Variants in EDDM13 observed in about 807,000 individuals in gnomAD.
The protein encoded by EDDM13 is epididymal protein 13.
EDDM13 carries 24 observed loss-of-function variants against 17.8 expected under a neutral mutation model. The observed-to-expected ratio is 1.35, with a 90% confidence interval of 0.98 to 1.90. The LOEUF is 1.90. EDDM13 is among the 40% of genes most tolerant of loss of function. EDDM13 has a pLI of 0.00. For synonymous variants in EDDM13, 31 were observed against 37.5 expected, an observed-to-expected ratio of 0.83 and a Z score of 0.63; for missense variants, 97 against 100.8, an observed-to-expected ratio of 0.96 and a Z score of 0.16.
intron 14 of EDDM13, among the ~76,000 whole-genome samples, chr19:56,307,491 G>A (rs1438779394): frequency 1.3e-5 from 2 of 152,130 alleles, no homozygotes; most frequent in African/African-American, 4.8e-5. Context: ...AAGGTTAACT[G>A]TGTGACATTT....
At chr19:56,285,325 A>G (rs1010490483) in intron 6 of EDDM13, among the ~76,000 whole-genome samples, 1 of 152,218 alleles carries the variant, frequency 6.6e-6, no homozygotes, top group African/African-American at 2.4e-5. Context: ...TCTTCACCAC[A>G]TTCCCGGCTC....
At chr19:56,276,695 G>A (rs985022877) in intron 2 of EDDM13, among the ~76,000 whole-genome samples, 1 of 151,736 alleles carries the variant, frequency 6.6e-6, no homozygotes, top group Admixed American at 6.6e-5. Context: ...GCGCCACCAT[G>A]CCCGGCTAAT....
chr19:56,292,780 A>C (rs181480531), intron 9 of EDDM13, among the ~76,000 whole-genome samples: 1 of 152,290 alleles, frequency 6.6e-6, no homozygotes, highest in African/African-American at 2.4e-5. Context: ...TGCAAGTTTG[A>C]GGATTCTAGG....
At chr19:56,275,874 T>C (rs913734466) in intron 1 of EDDM13, among the ~76,000 whole-genome samples, 1 of 152,094 alleles carries the variant, frequency 6.6e-6, no homozygotes, top group African/African-American at 2.4e-5. Flanking sequence ...TGAATGTTGG[T>C]TGGATGGATG....
intron 4 of EDDM13, 41 bp from the exon 5 acceptor site, chr19:56,284,157 C>T (rs2038928290): frequency 2.0e-6 from 2 of 985,384 alleles, no homozygotes; most frequent in Admixed American, 1.2e-4. Context: ...CGCATGTAAC[C>T]TTGGCCACCA....
chr19:56,300,877 A>C (rs1360198862), intron 12 of EDDM13, among the ~76,000 whole-genome samples: 1 of 152,222 alleles, frequency 6.6e-6, no homozygotes, highest in Non-Finnish European at 1.5e-5. Context: ...CACAGGCGAA[A>C]GAAACACTCT....
chr19:56,291,742 T>G (rs987940480), intron 9 of EDDM13, among the ~76,000 whole-genome samples: 3 of 151,020 alleles, frequency 2.0e-5, no homozygotes, highest in Admixed American at 6.6e-5. Flanking sequence ...TTGACCATCT[T>G]TTTTTTTTAA....
intron 12 of EDDM13, among the ~76,000 whole-genome samples, chr19:56,298,651 CAA>C (rs35911666): frequency 0.16 from 22,634 of 138,798 alleles, 4,058 homozygotes; most frequent in African/African-American, 0.45. Context: ...GACTCCATCT[CAA>C]AAAAAAAAAA....
intron 8 of EDDM13, among the ~76,000 whole-genome samples, chr19:56,290,484 AG>A (rs1476676282): frequency 6.6e-6 from 1 of 152,164 alleles, no homozygotes; most frequent in Non-Finnish European, 1.5e-5. Flanking sequence ...GTTTAAAATT[AG>A]GGCCTAGGAC....
At chr19:56,302,426 TTCTC>T (rs2040314465) in intron 13 of EDDM13, among the ~76,000 whole-genome samples, 2 of 127,564 alleles carry the variant, frequency 1.6e-5, no homozygotes, top group Admixed American at 7.7e-5. Context: ...ATCCCTCCCT[TTCTC>T]CCTTCCTTCC....
chr19:56,284,854 A>C (rs1484444163), intron 5 of EDDM13, 144 bp from the exon 6 acceptor site: 1 of 202,932 alleles, frequency 4.9e-6, no homozygotes, highest in Non-Finnish European at 8.7e-6. Context: ...TTAAGTGGGA[A>C]TAATGAGGCA....
chr19:56,290,891 G>A (rs1308758316), intron 9 of EDDM13, among the ~76,000 whole-genome samples, 45 bp downstream of exon 9: 2 of 152,092 alleles, frequency 1.3e-5, no homozygotes, highest in Non-Finnish European at 2.9e-5. Context: ...AAGTTTTCAG[G>A]TGCTGGGAAG....
intron 13 of EDDM13, among the ~76,000 whole-genome samples, chr19:56,304,061 A>T (rs894449221): frequency 6.6e-6 from 1 of 152,130 alleles, no homozygotes; most frequent in Non-Finnish European, 1.5e-5. Flanking sequence ...CGCCAGCAAG[A>T]TCCCTTCTGA....
At chr19:56,289,036 T>A (rs1421932982) in intron 8 of EDDM13, among the ~76,000 whole-genome samples, 145 bp downstream of exon 8, 3 of 152,178 alleles carry the variant, frequency 2.0e-5, no homozygotes, top group Admixed American at 2.0e-4. Context: ...GCATCATCAG[T>A]ACAGATTCTG....
intron 6 of EDDM13, among the ~76,000 whole-genome samples, chr19:56,287,308 GTT>G (rs1303221183): frequency 6.6e-6 from 1 of 152,234 alleles, no homozygotes; most frequent in African/African-American, 2.4e-5. Context: ...CTATGACTGA[GTT>G]TTGATGGAGA....
chr19:56,303,285 C>T (rs754544475), intron 13 of EDDM13, among the ~76,000 whole-genome samples: 12 of 152,116 alleles, frequency 7.9e-5, no homozygotes, highest in Non-Finnish European at 1.5e-4. Context: ...CAAGACCAGC[C>T]TGGTCAACAT....
intron 13 of EDDM13, among the ~76,000 whole-genome samples, chr19:56,302,350 CT>C (rs1192553622): frequency 7.0e-6 from 1 of 143,478 alleles, no homozygotes; most frequent in Admixed American, 7.0e-5. Context: ...TTTCCTCTTC[CT>C]TTTTTCTTCC....
At chr19:56,293,332 C>A (rs916501746) in intron 9 of EDDM13, among the ~76,000 whole-genome samples, 1 of 152,128 alleles carries the variant, frequency 6.6e-6, no homozygotes, top group East Asian at 1.9e-4. Context: ...CAGAGAATAA[C>A]TTAAGCCCAG....
chr19:56,292,022 A>G (rs920175433), intron 9 of EDDM13, among the ~76,000 whole-genome samples: 7 of 152,206 alleles, frequency 4.6e-5, no homozygotes, highest in Admixed American at 1.3e-4. Context: ...TATAAAGGTT[A>G]GGTAACTAGA....
Sources: gnomAD v4.1 joint callset for allele counts (sites outside exome capture counted in the v4.1 genomes callset) on GRCh38, gnomAD v4.1.1 for gene constraint, MANE v1.5 for transcripts, NCBI Gene and HGNC (gene_info 2026-07-23, HGNC 2026-07-21) for gene names.